The following DDA1 variants were observed in gnomAD, a reference collection of about 807,000 sequenced individuals.
DDA1 encodes DET1 and DDB1 associated 1.
A neutral mutation model predicts 18.6 loss-of-function variants in DDA1; 3 were observed. The observed-to-expected ratio is 0.16, with a 90% CI of 0.07 to 0.42. The LOEUF is 0.42. DDA1 is among the 10% of genes least tolerant of loss of function. The pLI, the probability that DDA1 is intolerant of heterozygous loss-of-function variation, is 0.99. For synonymous variants in DDA1, 52 were observed against 54.0 expected (o/e 0.96, Z 0.17); for missense variants, 105 against 138.2 (o/e 0.76, Z 1.20).
chr19:17,315,232 C>CACGTGTAT (rs1568353837), intron 3 of DDA1, among the ~76,000 whole-genome samples: 2 of 47,216 alleles, frequency 4.2e-5, no homozygotes, highest in South Asian at 5.7e-4. Flanking sequence ...CGTGTATACA[C>CACGTGTAT]ACACACGTGT....
rs2074193599 is a variant in DDA1, at chr19:17,314,506, G to A, written c.136+117G>A. 5.8e-6 allele frequency: 8 copies of A among 1,381,778 alleles called. No individual in the cohort carries two copies. The highest frequency in any genetic ancestry group is 7.1e-6 in the Non-Finnish European group (7 of 985,862). The allele number at this position is 1,381,778 out of a possible 1,614,324, so 85.6% of individuals were successfully genotyped here. ...CGGCCCAGGCCATAGACTTGGCTTGGGTTCACACGCTGTCTACTGAATCCA... is the reference window on the plus strand; with the variant it reads ...CGGCCCAGGCCATAGACTTGGCTTGAGTTCACACGCTGTCTACTGAATCCA... On this transcript the variant is annotated intron_variant, in intron 3 of 4. Coordinates refer to ENST00000359866, the MANE Select transcript of DDA1 (RefSeq NM_024050.6). This position sits in a 1 kb window ranked among gnomAD's most constrained non-coding sequence, Gnocchi z 4.6.
intron 4 of DDA1, among the ~76,000 whole-genome samples, chr19:17,316,886 C>CA (rs756872191): frequency 1.8e-4 from 27 of 149,974 alleles, no homozygotes; most frequent in South Asian, 4.2e-4. Context: ...TCAAAAAAAA[C>CA]AAAAAAAACA....
intron 3 of DDA1, 45 bp from the exon 4 acceptor site, chr19:17,315,889 T>C (rs1418541681): frequency 6.3e-7 from 1 of 1,590,884 alleles, no homozygotes; most frequent in Non-Finnish European, 8.6e-7. Flanking sequence ...GGGAGGAGCC[T>C]GGGGAGGGGA....
Position 17,314,747 on chromosome 19 carries a change from C to T in DDA1, c.136+358C>T, listed in dbSNP as rs1352890517. On this transcript the variant is annotated intron_variant, in intron 3 of 4. Coordinates refer to ENST00000359866, the MANE Select transcript of DDA1 (RefSeq NM_024050.6). This position sits in a 1 kb window ranked among gnomAD's most constrained non-coding sequence, Gnocchi z 4.6. Reference sequence around the variant, plus strand: ...CTCATCTGCCACTCACTGGTCCTTTCCCCTCCCTGTCAGATGAGGTCAAGC... The same window carrying T: ...CTCATCTGCCACTCACTGGTCCTTTTCCCTCCCTGTCAGATGAGGTCAAGC... 2 of 319,178 alleles carry T rather than the reference C, an allele frequency of 6.3e-6. No individual in the cohort carries two copies. The highest frequency in any genetic ancestry group is 4.3e-5 in the African/African-American group (2 of 46,462). The allele number at this position is 319,178 out of a possible 1,614,324, so 19.8% of individuals were successfully genotyped here.
chr19:17,316,177 G>A (rs1433925961), intron 4 of DDA1, among the ~76,000 whole-genome samples, 182 bp downstream of exon 4: 1 of 152,186 alleles, frequency 6.6e-6, no homozygotes, highest in Admixed American at 6.5e-5. Context: ...GCTGTGCAGA[G>A]GCCACAGGAC....
At chr19:17,318,343 TGCCTCA>T (rs1370133440) in intron 4 of DDA1, among the ~76,000 whole-genome samples, 2 of 152,338 alleles carry the variant, frequency 1.3e-5, no homozygotes, top group Non-Finnish European at 2.9e-5. Context: ...GCGATTCTCC[TGCCTCA>T]GCCTCCCGAG....
chr19:17,314,407 G>A lies in DDA1; in HGVS notation c.136+18G>A. 1 of 1,614,252 alleles carries A rather than the reference G, an allele frequency of 6.2e-7. No homozygotes were observed. Among genetic ancestry groups the A allele is most frequent in the Non-Finnish European group, 8.5e-7 (1 of 1,180,030 alleles). Reference sequence around the variant, plus strand: ...TGAACAGAGTAAGTGGCCGCTGTCAGTCTGTCCCATTCTGGCTGCTGAGGG... The same window carrying A: ...TGAACAGAGTAAGTGGCCGCTGTCAATCTGTCCCATTCTGGCTGCTGAGGG... On this transcript the variant is annotated intron_variant, in intron 3 of 4. Transcript: ENST00000359866. The surrounding 1 kb of genome is among the most constrained non-coding windows in gnomAD (Gnocchi z 4.6).
intron 1 of DDA1, among the ~76,000 whole-genome samples, chr19:17,312,104 T>A (rs1196240826): frequency 6.6e-6 from 1 of 152,106 alleles, no homozygotes; most frequent in Non-Finnish European, 1.5e-5. Flanking sequence ...TTGGAATGCG[T>A]CTCTTCACAG....
Position 17,315,994 on chromosome 19 carries a change from A to C in DDA1, c.197A>C (p.Lys66Thr). The C allele has an allele frequency of 6.2e-7, 1 of 1,614,158 alleles. No homozygotes were observed. ...LRYLHQQWDK[K>T]NAAKKRDQEQ... ...TACCTGCATCAGCAATGGGACAAAAAGGTGAGGCCCACAGGGCTCTGGTGC... is the reference window on the plus strand; with the variant it reads ...TACCTGCATCAGCAATGGGACAAAACGGTGAGGCCCACAGGGCTCTGGTGC... The change falls in exon 4 of 5, where the codon AAG becomes ACG. Residue 66 changes from lysine to threonine, a missense_variant and splice_region_variant. Coordinates refer to ENST00000359866, the MANE Select transcript of DDA1 (RefSeq NM_024050.6).
intron 1 of DDA1, among the ~76,000 whole-genome samples, chr19:17,312,001 A>C (rs1005333684): frequency 6.6e-6 from 1 of 152,162 alleles, no homozygotes; most frequent in Non-Finnish European, 1.5e-5. Context: ...CAACGCAGAC[A>C]TGTTGATCCT....
Position 17,319,999 on chromosome 19 carries a change from C to T in DDA1, c.*343C>T, listed in dbSNP as rs2074232229. On this transcript the variant is annotated 3_prime_UTR_variant, in exon 5 of 5. Coordinates refer to ENST00000359866, the MANE Select transcript of DDA1 (RefSeq NM_024050.6). ...AGTTCTCCAGAGAACCAGAGTGTGTCTGTGAGAGTCTCTAGCGGGGGCTTT... is the reference window on the plus strand; with the variant it reads ...AGTTCTCCAGAGAACCAGAGTGTGTTTGTGAGAGTCTCTAGCGGGGGCTTT... 4.2e-6 allele frequency: 1 copy of T among 237,364 alleles called. No individual in the cohort carries two copies. The highest frequency in any genetic ancestry group is 8.4e-6 in the Non-Finnish European group (1 of 119,592). 14.7% of individuals were successfully genotyped at this position (237,364 alleles called of 1,614,324 possible). A position where few individuals can be genotyped will look rare whatever the true frequency, so the allele number is the denominator to read the frequency against.
chr19:17,313,217 C>G (rs1255337356), intron 1 of DDA1, among the ~76,000 whole-genome samples: 1 of 151,952 alleles, frequency 6.6e-6, no homozygotes, highest in Non-Finnish European at 1.5e-5. Context: ...TTCAAATCAG[C>G]CCCCTGGTTT....
chr19:17,315,901 G>T lies in DDA1; in HGVS notation c.137-33G>T, dbSNP rs781321461. The T allele has an allele frequency of 3.7e-6, 6 of 1,610,494 alleles. No individual in the cohort carries two copies. The South Asian group carries it at 6.6e-5, about 18-fold the overall frequency. Reference sequence around the variant, plus strand: ...CAGGGGAGGAGCCTGGGGAGGGGAGGCGTCTGCGACTTTCTCTATCTTTCC... The same window carrying T: ...CAGGGGAGGAGCCTGGGGAGGGGAGTCGTCTGCGACTTTCTCTATCTTTCC... On this transcript the variant is annotated intron_variant, in intron 3 of 4. Coordinates refer to ENST00000359866, the MANE Select transcript of DDA1 (RefSeq NM_024050.6).
chr19:17,310,731 A>C (rs2074175136), intron 1 of DDA1, among the ~76,000 whole-genome samples: 1 of 152,158 alleles, frequency 6.6e-6, no homozygotes, highest in African/African-American at 2.4e-5. Flanking sequence ...CAAGCCTGGG[A>C]GTTGTCCTTG....
chr19:17,315,879 G>T (rs909350821), intron 3 of DDA1, 55 bp from the exon 4 acceptor site: 1 of 1,555,190 alleles, frequency 6.4e-7, no homozygotes, highest in Admixed American at 1.7e-5. Flanking sequence ...GCAGTGTCAG[G>T]GGAGGAGCCT....
In DDA1 at chr19:17,309,808, C is replaced by T. The variant is rs574787263; in HGVS notation, c.3+151C>T. On this transcript the variant is annotated intron_variant, in intron 1 of 4. Coordinates refer to ENST00000359866, the MANE Select transcript of DDA1 (RefSeq NM_024050.6). ...CCTCCCACTCACCTGTGACCTTCGA[C>T]CCCCGGACCCTACCGAGAGCTTCCT... 240 of 998,554 alleles carry T rather than the reference C, an allele frequency of 2.4e-4. 1 individual carries two copies. The African/African-American group carries it at 3.1e-3, about 13-fold the overall frequency. The allele number at this position is 998,554 out of a possible 1,614,324, so 61.9% of individuals were successfully genotyped here.
intron 1 of DDA1, among the ~76,000 whole-genome samples, chr19:17,313,433 C>CTTTTTT (rs57148595): frequency 1.2e-5 from 1 of 82,560 alleles, no homozygotes; most frequent in Admixed American, 1.4e-4. Flanking sequence ...TTGAAAATGG[C>CTTTTTT]TTTTTTTTTT....
intron 3 of DDA1, among the ~76,000 whole-genome samples, chr19:17,315,183 G>GTATATACACACGTGTATACACACGTGTA (rs1463239421): frequency 8.3e-5 from 2 of 24,194 alleles, no homozygotes; most frequent in Non-Finnish European, 1.6e-4. Flanking sequence ...ACACACACGT[G>GTATATACACACGTGTATACACACGTGTA]TATACACACA....
chr19:17,312,238 G>T (rs541461735), intron 1 of DDA1, among the ~76,000 whole-genome samples: 59 of 152,274 alleles, frequency 3.9e-4, no homozygotes, highest in African/African-American at 1.4e-3. Flanking sequence ...CGGGCCCTGT[G>T]TGAGCCCGGC....
Sources: allele counts gnomAD v4.1 joint callset (sites outside exome capture counted in the v4.1 genomes callset), GRCh38; gene constraint gnomAD v4.1.1; non-coding constraint Gnocchi (gnomAD v3.1); transcripts MANE v1.5; gene names NCBI Gene and HGNC (gene_info 2026-07-23, HGNC 2026-07-21).